KIF26B: variants seen among roughly 807,000 people sequenced by gnomAD.
KIF26B encodes the protein kinesin-like protein KIF26B.
Under a neutral mutation model 151.2 loss-of-function variants are expected in KIF26B, and 63 were observed. That is an observed-to-expected ratio of 0.42 (90% CI 0.34 to 0.51). The LOEUF (loss-of-function observed/expected upper bound fraction) is 0.51, where lower values mean the gene tolerates loss of function less well. Ranked by LOEUF, KIF26B falls within the 20% of genes least tolerant of loss-of-function variation. The pLI is 0.07. For synonymous variants in KIF26B, 1,357 were observed against 1,262.1 expected (o/e 1.08, Z -1.59); for missense variants, 2,813 against 2,913.6 (o/e 0.97, Z 0.79).
At chr1:245,267,167 A>C (rs75855907) in intron 2 of KIF26B, among the ~76,000 whole-genome samples, 2,182 of 152,316 alleles carry the variant, frequency 0.014, 35 homozygotes, top group African/African-American at 0.033. Flanking sequence ...TATGATACAA[A>C]TATTCTTCAC....
At chr1:245,467,427 A>G (rs557651565) in intron 4 of KIF26B, among the ~76,000 whole-genome samples, 1 of 152,222 alleles carries the variant, frequency 6.6e-6, no homozygotes, top group South Asian at 2.1e-4. Context: ...TGGTTCCTGG[A>G]GAAAAGGGTC....
rs1379930068 is a variant in KIF26B, at chr1:245,516,104, T to A, written c.1167-24663T>A. Among the ~76,000 whole-genome samples the A allele has an allele frequency of 6.6e-6, 1 of 152,182 alleles. No homozygotes were observed. The highest frequency in any genetic ancestry group is 1.5e-5 in the Non-Finnish European group (1 of 68,026). ...TTCTCCCCTGAGTTTGTTTTCACGG[T>A]GGGACTATCCAGGACTAAAGAGAAT... On this transcript the variant is annotated intron_variant, in intron 4 of 14. Coordinates refer to ENST00000407071, the MANE Select transcript of KIF26B (RefSeq NM_018012.4). This position sits in a 1 kb window ranked among gnomAD's most constrained non-coding sequence, Gnocchi z 4.2.
At chr1:245,305,017 G>A (rs1671510096) in intron 2 of KIF26B, among the ~76,000 whole-genome samples, 3 of 152,134 alleles carry the variant, frequency 2.0e-5, no homozygotes, top group Admixed American at 2.0e-4. Context: ...TATAGTGGAG[G>A]AAAAAGATAC....
intron 3 of KIF26B, chr1:245,370,706 G>A (rs1196525594): frequency 2.3e-6 from 1 of 444,024 alleles, no homozygotes; most frequent in African/African-American, 2.0e-5. Context: ...TGAGGTGAAA[G>A]TTTGTGTGTA....
intron 5 of KIF26B, among the ~76,000 whole-genome samples, chr1:245,588,603 C>T (rs1379536287): frequency 6.6e-6 from 1 of 152,246 alleles, no homozygotes; most frequent in African/African-American, 2.4e-5. Context: ...GACTGGGACT[C>T]ATTGGAGCTA....
rs1412707610 is a variant in KIF26B, at chr1:245,687,999, G to A, written c.5016G>A (p.Ala1672=). ...GCAGAAGCAACTCGCTGGGCAGGGC[G>A]ACAGTCAGCCACTACGAATGCCTCT... ...LASRSNSLGR[A]TVSHYECLSL... The change falls in exon 12 of 15, where the codon GCG becomes GCA. Residue 1672 remains alanine, a synonymous_variant. Coordinates refer to ENST00000407071, the MANE Select transcript of KIF26B (RefSeq NM_018012.4). The surrounding 1 kb of genome is among the most constrained non-coding windows in gnomAD (Gnocchi z 4.9). The A allele has an allele frequency of 1.3e-6, 2 of 1,568,680 alleles. No homozygotes were observed. Among genetic ancestry groups the A allele is most frequent in the Non-Finnish European group, 8.6e-7 (1 of 1,158,670 alleles).
chr1:245,634,422 G>A (rs531421728), intron 9 of KIF26B, among the ~76,000 whole-genome samples: 119 of 152,264 alleles, frequency 7.8e-4, no homozygotes, highest in African/African-American at 2.8e-3. Flanking sequence ...TAGAGGGAAG[G>A]CATTTAGTCT....
intron 5 of KIF26B, among the ~76,000 whole-genome samples, chr1:245,546,723 A>C (rs1661749775): frequency 6.6e-6 from 1 of 152,186 alleles, no homozygotes; most frequent in South Asian, 2.1e-4. Context: ...GCAAATTGTG[A>C]GTTCTCTTTT....
chr1:245,702,436 T>C lies in KIF26B; in HGVS notation c.6179-22T>C. ...TCACCCTGTTTGCTCTGCGTCTCCA[T>C]CAGGCTCTTCCTCTCTTGCAGTTGA... On this transcript the variant is annotated intron_variant, in intron 14 of 14. Transcript: ENST00000407071. This position sits in a 1 kb window ranked among gnomAD's most constrained non-coding sequence, Gnocchi z 4.1. 1 of 1,613,566 alleles carries C rather than the reference T, an allele frequency of 6.2e-7. No individual in the cohort carries two copies. Among genetic ancestry groups the C allele is most frequent in the South Asian group, 1.1e-5 (1 of 91,046 alleles).
intron 2 of KIF26B, among the ~76,000 whole-genome samples, chr1:245,331,793 G>T (rs948903051): frequency 6.6e-6 from 1 of 152,160 alleles, no homozygotes; most frequent in Non-Finnish European, 1.5e-5. Flanking sequence ...TGTAGAAAAT[G>T]CAGGGATTTT....
In KIF26B at chr1:245,512,817, A is replaced by C. The variant is rs1291442701; in HGVS notation, c.1167-27950A>C. 6.6e-6 allele frequency among the ~76,000 whole-genome samples: 1 copy of C among 151,936 alleles called. No individual in the cohort carries two copies. Among genetic ancestry groups the C allele is most frequent in the Non-Finnish European group, 1.5e-5 (1 of 68,012 alleles). On this transcript the variant is annotated intron_variant, in intron 4 of 14. Coordinates refer to ENST00000407071, the MANE Select transcript of KIF26B (RefSeq NM_018012.4). The surrounding 1 kb of genome is among the most constrained non-coding windows in gnomAD (Gnocchi z 4.3). Reference sequence around the variant, plus strand: ...TTCTTGTTTATGTGGACTCTGTTAGACTCCTGCATCTGGAAGAGGCTTGAA... The same window carrying C: ...TTCTTGTTTATGTGGACTCTGTTAGCCTCCTGCATCTGGAAGAGGCTTGAA...
intron 2 of KIF26B, among the ~76,000 whole-genome samples, chr1:245,248,669 G>A (rs547945072): frequency 2.6e-5 from 4 of 152,122 alleles, no homozygotes; most frequent in African/African-American, 9.7e-5. Flanking sequence ...AAACCTCCTC[G>A]TAAAATCTCT....
chr1:245,532,696 A>G (rs1274858739), intron 4 of KIF26B, among the ~76,000 whole-genome samples: 1 of 152,078 alleles, frequency 6.6e-6, no homozygotes, highest in Non-Finnish European at 1.5e-5. Context: ...CTAGCAGTAA[A>G]CATGTTATTT....
At chr1:245,414,173 C>G (rs1674361667) in intron 3 of KIF26B, among the ~76,000 whole-genome samples, 1 of 152,236 alleles carries the variant, frequency 6.6e-6, no homozygotes, top group South Asian at 2.1e-4. Context: ...AGGCTTCCAG[C>G]AGAGTTTTAC....
chr1:245,324,923 C>T (rs1216877165), intron 2 of KIF26B, among the ~76,000 whole-genome samples: 3 of 151,626 alleles, frequency 2.0e-5, no homozygotes, highest in African/African-American at 4.8e-5. Flanking sequence ...GGTGAAATCC[C>T]GTCTCTACTT....
At chr1:245,466,961 T>G (rs1444829699) in intron 4 of KIF26B, among the ~76,000 whole-genome samples, 1 of 152,030 alleles carries the variant, frequency 6.6e-6, no homozygotes, top group Non-Finnish European at 1.5e-5. Context: ...CACAAAAACT[T>G]TCTGGTTTCT....
chr1:245,225,479 C>T (rs963090167), intron 2 of KIF26B, among the ~76,000 whole-genome samples: 1 of 152,220 alleles, frequency 6.6e-6, no homozygotes, highest in Non-Finnish European at 1.5e-5. Flanking sequence ...AAACATGCGT[C>T]GGATGCTTAC....
At chr1:245,221,113 T>A (rs376805816) in intron 2 of KIF26B, among the ~76,000 whole-genome samples, 1 of 152,110 alleles carries the variant, frequency 6.6e-6, no homozygotes, top group African/African-American at 2.4e-5. Context: ...AGTTTGTTAA[T>A]GGGAAATGAG....
rs183405315 is a variant in KIF26B at position 245,166,928 on chromosome 1, T to G, written c.465+10245T>G. 6.6e-6 allele frequency among the ~76,000 whole-genome samples: 1 copy of G among 152,196 alleles called. No individual in the cohort carries two copies. The highest frequency in any genetic ancestry group is 6.5e-5 in the Admixed American group (1 of 15,284). ...GACATTCTGAACGTTGCTATAGAGG[T>G]TAGCAAAGCAGAAGGCTCTGAGGGT... On this transcript the variant is annotated intron_variant, in intron 2 of 14. Coordinates refer to ENST00000407071, the MANE Select transcript of KIF26B (RefSeq NM_018012.4). The surrounding 1 kb of genome is among the most constrained non-coding windows in gnomAD (Gnocchi z 4.5).
Sources: allele counts gnomAD v4.1 joint callset (sites outside exome capture counted in the v4.1 genomes callset), GRCh38; gene constraint gnomAD v4.1.1; non-coding constraint Gnocchi (gnomAD v3.1); transcripts MANE v1.5; gene names NCBI Gene and HGNC (gene_info 2026-07-23, HGNC 2026-07-21).